Variants in GLYATL3 observed in about 807,000 individuals in gnomAD.
The protein encoded by GLYATL3 is glycine-N-acyltransferase like 3, also known as glycine N-acyltransferase-like protein 3.
In GLYATL3, 31 loss-of-function variants were observed where a neutral mutation model predicts 28.5. The observed-to-expected ratio is 1.09, with a 90% CI of 0.82 to 1.47. The LOEUF is 1.47. GLYATL3 is among the 40% of genes most tolerant of loss of function. The probability of loss-of-function intolerance (pLI) is 0.00; values close to 1 mark genes in which losing one functional copy is unlikely to be tolerated. For missense variants in GLYATL3, 369 were observed against 351.5 expected, an observed-to-expected ratio of 1.05 and a Z score of -0.40; for synonymous variants, 141 against 140.2, an observed-to-expected ratio of 1.01 and a Z score of -0.04.
At position 49,524,968 on chromosome 6, in the gene GLYATL3, CAAAAAAAAAA is replaced by C. The variant is rs911424000; in HGVS notation, c.441-1506_441-1497del. Among the ~76,000 whole-genome samples the C allele has an allele frequency of 5.9e-3, 256 of 43,680 alleles. 1 individual carries two copies. The highest frequency in any genetic ancestry group is 0.015 in the Admixed American group (58 of 3,970). 28.7% of individuals were successfully genotyped at this position (43,680 alleles called of 152,430 possible). A position where few individuals can be genotyped will look rare whatever the true frequency, so the allele number is the denominator to read the frequency against. The stretch of plus-strand genomic sequence containing the variant: ...TGGGCAACAATGCGAGACTCCCTCT[CAAAAAAAAAA>C]AAAAAAAAAAAAAGAACAAACATTT... On this transcript the variant is annotated intron_variant, in intron 5 of 5. Coordinates refer to ENST00000371197, the MANE Select transcript of GLYATL3 (RefSeq NM_001010904.2).
At chr6:49,514,376 C>T (rs1037499223) in intron 2 of GLYATL3, among the ~76,000 whole-genome samples, 3 of 152,132 alleles carry the variant, frequency 2.0e-5, no homozygotes, top group East Asian at 1.9e-4. Context: ...TACCAATGTG[C>T]GACAATGTAC....
chr6:49,523,322 T>C (rs1204189627), intron 5 of GLYATL3, among the ~76,000 whole-genome samples: 4 of 152,170 alleles, frequency 2.6e-5, no homozygotes, highest in African/African-American at 9.7e-5. Flanking sequence ...CCTCCCCAAA[T>C]GATGGGATTA....
At chr6:49,501,388 C>T (rs1768910908) in intron 1 of GLYATL3, among the ~76,000 whole-genome samples, 1 of 152,120 alleles carries the variant, frequency 6.6e-6, no homozygotes, top group African/African-American at 2.4e-5. Flanking sequence ...GAAAGCAGGT[C>T]CCGCGGTGCC....
chr6:49,509,666 C>T (rs1274909026), intron 1 of GLYATL3, among the ~76,000 whole-genome samples: 1 of 152,182 alleles, frequency 6.6e-6, no homozygotes, highest in South Asian at 2.1e-4. Flanking sequence ...TTAGGAAACC[C>T]AGTTCTTTTT....
Position 49,521,653 on chromosome 6 carries a change from A to G in GLYATL3, c.322A>G (p.Ser108Gly), listed in dbSNP as rs1275570411. 5.2e-6 allele frequency: 8 copies of G among 1,551,032 alleles called. No homozygotes were observed. In the East Asian group the frequency reaches 2.0e-4, roughly 38 times the overall value. ...DQVFQIQGLQ[S>G]ELYDVSKAVA... Reference sequence around the variant, plus strand: ...TGTCTTTCTATACACAGGGCTGCAGAGTGAGTTATATGATGTTTCCAAAGC... The same window carrying G: ...TGTCTTTCTATACACAGGGCTGCAGGGTGAGTTATATGATGTTTCCAAAGC... Residue 108 changes from serine (S) to glycine (G), a missense_variant, in exon 5 of 6, where the codon AGT (serine) becomes GGT (glycine). Transcript: ENST00000371197.
intron 1 of GLYATL3, among the ~76,000 whole-genome samples, chr6:49,504,799 A>G (rs1172054603): frequency 6.6e-6 from 1 of 152,206 alleles, no homozygotes; most frequent in Non-Finnish European, 1.5e-5. Context: ...AAGAATTCCC[A>G]TAACCGCAAA....
rs1561981580 is a variant in GLYATL3, at chr6:49,527,341, C to T, written c.*427C>T. 6.6e-6 allele frequency among the ~76,000 whole-genome samples: 1 copy of T among 152,170 alleles called. No homozygotes were observed. Among genetic ancestry groups the T allele is most frequent in the Non-Finnish European group, 1.5e-5 (1 of 68,036 alleles). On this transcript the variant is annotated 3_prime_UTR_variant, in exon 6 of 6. Coordinates refer to ENST00000371197, the MANE Select transcript of GLYATL3 (RefSeq NM_001010904.2). ...CTACTGCCATCATATTCCCCTGTCC[C>T]CACTGCTATGTCTCATCAACCTCTG...
At chr6:49,500,082 A>G (rs1768886032) in intron 1 of GLYATL3, 40 bp downstream of exon 1, 1 of 152,208 alleles carries the variant, frequency 6.6e-6, no homozygotes, top group Non-Finnish European at 1.5e-5. Flanking sequence ...TTCAAGTCAT[A>G]GTTTATAATT....
intron 4 of GLYATL3, among the ~76,000 whole-genome samples, chr6:49,520,616 A>G (rs148299838): frequency 6.6e-6 from 1 of 152,288 alleles, no homozygotes; most frequent in Non-Finnish European, 1.5e-5. Context: ...AGGGGAAGTC[A>G]GTTTGCAGAG....
At chr6:49,521,594 G>T (rs1182862173) in intron 4 of GLYATL3, 51 bp from the exon 5 acceptor site, 16 of 1,492,176 alleles carry the variant, frequency 1.1e-5, no homozygotes, top group Admixed American at 4.7e-5. Context: ...TTTCCTTTTT[G>T]CTTTTTCAAC....
At chr6:49,519,430 T>C (rs1262019969) in intron 4 of GLYATL3, among the ~76,000 whole-genome samples, 1 of 152,216 alleles carries the variant, frequency 6.6e-6, no homozygotes, top group Non-Finnish European at 1.5e-5. Context: ...GCTTCTCCTG[T>C]GGTATTTTGA....
intron 1 of GLYATL3, among the ~76,000 whole-genome samples, chr6:49,508,560 C>T (rs12204398): frequency 0.085 from 12,901 of 152,170 alleles, 628 homozygotes; most frequent in Non-Finnish European, 0.11. Context: ...ACAGGTGCCC[C>T]TCATGCATCC....
chr6:49,521,358 C>A (rs567104988), intron 4 of GLYATL3, among the ~76,000 whole-genome samples: 1 of 152,222 alleles, frequency 6.6e-6, no homozygotes, highest in South Asian at 2.1e-4. Flanking sequence ...TCAATATTCT[C>A]CCAAGAAATT....
intron 4 of GLYATL3, among the ~76,000 whole-genome samples, chr6:49,518,578 A>G (rs920158748): frequency 1.3e-5 from 2 of 152,174 alleles, no homozygotes; most frequent in African/African-American, 4.8e-5. Flanking sequence ...AAAAGCTTCT[A>G]TCCACCTGGA....
At chr6:49,503,063 A>T (rs899764535) in intron 1 of GLYATL3, among the ~76,000 whole-genome samples, 1 of 151,662 alleles carries the variant, frequency 6.6e-6, no homozygotes, top group Non-Finnish European at 1.5e-5. Flanking sequence ...GTATAGTTTT[A>T]TTGGACTCCA....
chr6:49,510,414 A>T (rs771040293), intron 1 of GLYATL3, among the ~76,000 whole-genome samples: 20 of 152,166 alleles, frequency 1.3e-4, no homozygotes, highest in Non-Finnish European at 2.1e-4. Flanking sequence ...TTATCAACAA[A>T]TGTTCTAATT....
chr6:49,503,125 G>C (rs1294234234), intron 1 of GLYATL3, among the ~76,000 whole-genome samples: 1 of 151,852 alleles, frequency 6.6e-6, no homozygotes, highest in Admixed American at 6.6e-5. Flanking sequence ...AATGCATGGT[G>C]GGGGGAATAG....
intron 4 of GLYATL3, among the ~76,000 whole-genome samples, chr6:49,519,412 T>A (rs2061973): frequency 0.46 from 70,448 of 151,990 alleles, 17,142 homozygotes; most frequent in East Asian, 0.62. Flanking sequence ...GCCTGGACAT[T>A]ACCTTCGGCT....
At chr6:49,501,926 T>A (rs1768920793) in intron 1 of GLYATL3, among the ~76,000 whole-genome samples, 1 of 152,208 alleles carries the variant, frequency 6.6e-6, no homozygotes, top group African/African-American at 2.4e-5. Context: ...GATAGGAATC[T>A]TGGTGATGTG....
Sources: allele counts gnomAD v4.1 joint callset (sites outside exome capture counted in the v4.1 genomes callset), GRCh38; gene constraint gnomAD v4.1.1; transcripts MANE v1.5; gene names NCBI Gene and HGNC (gene_info 2026-07-23, HGNC 2026-07-21).